SPIN1: variants seen among roughly 807,000 people sequenced by gnomAD.
The protein encoded by SPIN1 is spindlin-1.
A neutral mutation model predicts 26.0 loss-of-function variants in SPIN1; 3 were observed. That is an observed-to-expected ratio of 0.12 (90% CI 0.05 to 0.30). The LOEUF is 0.30. Among genes scored for constraint, SPIN1 ranks in the 10% least tolerant of loss-of-function variants. The pLI, the probability that SPIN1 is intolerant of heterozygous loss-of-function variation, is 1.00. For missense variants in SPIN1, 126 were observed against 333.4 expected (o/e 0.38, Z 4.84); for synonymous variants, 101 against 116.5 (o/e 0.87, Z 0.86).
intron 2 of SPIN1, 54 bp from the exon 3 acceptor site, chr9:88,448,887 C>T (rs74893126): frequency 3.2e-5 from 49 of 1,539,114 alleles, no homozygotes; most frequent in Middle Eastern, 3.4e-4. Context: ...TTCCTGCATT[C>T]TGAGGTATTC....
chr9:88,388,650 G>C (rs972420878), intron 1 of SPIN1, 112 bp downstream of exon 1: 1 of 147,866 alleles, frequency 6.8e-6, no homozygotes, highest in African/African-American at 2.4e-5. Flanking sequence ...CGCGGGGCCC[G>C]GCGGAGCATT....
chr9:88,466,620 GATAAA>G (rs1265521949), intron 4 of SPIN1, among the ~76,000 whole-genome samples: 4 of 152,288 alleles, frequency 2.6e-5, no homozygotes, highest in African/African-American at 9.6e-5. Flanking sequence ...AGGGTTTGCT[GATAAA>G]ATTAAATAGC....
chr9:88,397,591 T>C (rs547979998), intron 1 of SPIN1, among the ~76,000 whole-genome samples: 56 of 152,142 alleles, frequency 3.7e-4, no homozygotes, highest in African/African-American at 1.2e-3. Flanking sequence ...TGTACTGATA[T>C]TCATCACCGA....
At chr9:88,419,126 A>T (rs1283331413) in intron 1 of SPIN1, among the ~76,000 whole-genome samples, 1 of 152,256 alleles carries the variant, frequency 6.6e-6, no homozygotes, top group East Asian at 1.9e-4. Context: ...AGTATGTTCA[A>T]TTCTTTGCCT....
chr9:88,439,287 G>T (rs1025759303), intron 2 of SPIN1, among the ~76,000 whole-genome samples: 9 of 152,142 alleles, frequency 5.9e-5, no homozygotes, highest in African/African-American at 1.9e-4. Flanking sequence ...GTTGCTGTTG[G>T]TAGCATATAA....
At chr9:88,405,318 T>C (rs1431205108) in intron 1 of SPIN1, among the ~76,000 whole-genome samples, 1 of 151,798 alleles carries the variant, frequency 6.6e-6, no homozygotes, top group Non-Finnish European at 1.5e-5. Context: ...AACCTCCACC[T>C]CCCGGGTTCA....
At chr9:88,445,446 C>T (rs1828228142) in intron 2 of SPIN1, among the ~76,000 whole-genome samples, 1 of 151,446 alleles carries the variant, frequency 6.6e-6, no homozygotes, top group African/African-American at 2.4e-5. Context: ...AGGCCTATCT[C>T]CCAGTTTTAG....
At chr9:88,461,996 A>G (rs1828586803) in intron 3 of SPIN1, among the ~76,000 whole-genome samples, 1 of 152,190 alleles carries the variant, frequency 6.6e-6, no homozygotes, top group South Asian at 2.1e-4. Context: ...TTATTAGTTA[A>G]GCTTGTACAG....
intron 2 of SPIN1, among the ~76,000 whole-genome samples, chr9:88,435,081 G>A (rs1198614278): frequency 6.6e-6 from 1 of 151,610 alleles, no homozygotes; most frequent in Non-Finnish European, 1.5e-5. Context: ...ATCTTTGTCA[G>A]TATGTCTTGC....
chr9:88,457,867 T>C (rs1828501151), intron 3 of SPIN1: 1 of 984,944 alleles, frequency 1.0e-6, no homozygotes, highest in South Asian at 4.7e-5. Context: ...AAAACCTTTC[T>C]TGTTTCTAAA....
chr9:88,474,600 G>A (rs1260628322), intron 5 of SPIN1, among the ~76,000 whole-genome samples: 1 of 152,158 alleles, frequency 6.6e-6, no homozygotes, highest in Non-Finnish European at 1.5e-5. Flanking sequence ...TTAAATGTGT[G>A]CCATATTCTC....
intron 1 of SPIN1, among the ~76,000 whole-genome samples, chr9:88,421,202 A>G (rs765203937): frequency 1.3e-5 from 2 of 152,164 alleles, no homozygotes; most frequent in Non-Finnish European, 2.9e-5. Context: ...GCATAACCAC[A>G]ATGTCTTTGT....
chr9:88,421,582 A>G (rs953350613), intron 1 of SPIN1, among the ~76,000 whole-genome samples: 1 of 151,980 alleles, frequency 6.6e-6, no homozygotes, highest in African/African-American at 2.4e-5. Flanking sequence ...CCTGGCCTTA[A>G]GTGTCTTTTG....
At chr9:88,413,175 T>G (rs971653734) in intron 1 of SPIN1, among the ~76,000 whole-genome samples, 5 of 151,180 alleles carry the variant, frequency 3.3e-5, no homozygotes, top group African/African-American at 1.2e-4. Flanking sequence ...CGAGTGATTC[T>G]CCTGCCTCAG....
chr9:88,398,530 C>T (rs1455255780), intron 1 of SPIN1, among the ~76,000 whole-genome samples: 1 of 151,994 alleles, frequency 6.6e-6, no homozygotes, highest in Non-Finnish European at 1.5e-5. Context: ...GTCTTGTCTG[C>T]ACAGGTGTTT....
At position 88,475,118 on chromosome 9, in the gene SPIN1, G is replaced by A. The variant is rs1226491430; in HGVS notation, c.630G>A (p.Val210=). ...CAGAAAGGGAACCAGGAGAAGTTGT[G>A]GACAGCCTGGTAGGCAAACAAGTGG... The part of the protein sequence containing the change: ...PPAEREPGEV[V]DSLVGKQVEY... The change falls in exon 6 of 6, where the codon GTG becomes GTA. Residue 210 remains valine, a synonymous_variant. Transcript: ENST00000375859. 6.2e-7 allele frequency: 1 copy of A among 1,607,152 alleles called. No individual in the cohort carries two copies. Among genetic ancestry groups the A allele is most frequent in the East Asian group, 2.2e-5 (1 of 44,626 alleles).
intron 1 of SPIN1, among the ~76,000 whole-genome samples, chr9:88,405,934 C>T (rs1827295191): frequency 2.0e-5 from 3 of 152,052 alleles, no homozygotes; most frequent in African/African-American, 7.2e-5. Flanking sequence ...CTCCTGGGTT[C>T]AAGTGATCCT....
chr9:88,408,511 G>A (rs1327699988), intron 1 of SPIN1, among the ~76,000 whole-genome samples: 1 of 151,120 alleles, frequency 6.6e-6, no homozygotes, highest in African/African-American at 2.4e-5. Context: ...CAAGTAGCTG[G>A]GACTACAGGT....
chr9:88,451,002 A>G (rs1322892467), intron 3 of SPIN1, among the ~76,000 whole-genome samples: 1 of 152,130 alleles, frequency 6.6e-6, no homozygotes, highest in African/African-American at 2.4e-5. Flanking sequence ...TAATGTATCT[A>G]AGGTTGGCTT....
Sources: gnomAD v4.1 joint callset for allele counts (sites outside exome capture counted in the v4.1 genomes callset) on GRCh38, gnomAD v4.1.1 for gene constraint, MANE v1.5 for transcripts, NCBI Gene and HGNC (gene_info 2026-07-23, HGNC 2026-07-21) for gene names.